Variants in TACR3 observed in about 807,000 individuals in gnomAD.
TACR3 encodes the protein neuromedin-K receptor.
TACR3 carries 34 observed loss-of-function variants against 35.0 expected under a neutral mutation model. That is an observed-to-expected ratio of 0.97 (90% CI 0.74 to 1.30). TACR3 has a LOEUF of 1.30. TACR3 is among the 50% of genes most tolerant of loss of function. TACR3 has a pLI of 0.00. For synonymous variants in TACR3, 233 were observed against 221.1 expected (o/e 1.05, Z -0.48); for missense variants, 558 against 591.7 (o/e 0.94, Z 0.59).
At chr4:103,717,389 T>C (rs565299048) in intron 1 of TACR3, among the ~76,000 whole-genome samples, 29 of 152,186 alleles carry the variant, frequency 1.9e-4, no homozygotes, top group African/African-American at 7.0e-4. Context: ...CACAAAGAAA[T>C]AGTAAAGATT....
At chr4:103,669,319 A>G (rs752023919) in intron 1 of TACR3, among the ~76,000 whole-genome samples, 1 of 152,198 alleles carries the variant, frequency 6.6e-6, no homozygotes, top group Non-Finnish European at 1.5e-5. Flanking sequence ...TACAATAAAC[A>G]TGGGATTGCA....
chr4:103,613,778 A>G (rs1724566556), intron 3 of TACR3, among the ~76,000 whole-genome samples: 1 of 152,204 alleles, frequency 6.6e-6, no homozygotes, highest in African/African-American at 2.4e-5. Flanking sequence ...CAGCATGGTT[A>G]CATTTTGGTG....
At chr4:103,712,682 C>T (rs1311717729) in intron 1 of TACR3, among the ~76,000 whole-genome samples, 3 of 152,134 alleles carry the variant, frequency 2.0e-5, no homozygotes, top group East Asian at 3.9e-4. Flanking sequence ...TCAGAGTGAA[C>T]AGGCAACCCA....
intron 3 of TACR3, among the ~76,000 whole-genome samples, chr4:103,619,232 C>G (rs979528360): frequency 1.3e-5 from 2 of 152,110 alleles, no homozygotes; most frequent in African/African-American, 2.4e-5. Flanking sequence ...CTCTGTCACC[C>G]AGGCTGGAGT....
chr4:103,590,499 CCTTAA>C (rs775139069), intron 4 of TACR3, among the ~76,000 whole-genome samples: 54 of 151,920 alleles, frequency 3.6e-4, no homozygotes, highest in Admixed American at 1.1e-3. Context: ...AGTGCAAAAT[CCTTAA>C]CTTTGTAAAC....
chr4:103,586,044 A>G lies in TACR3; in HGVS notation c.*3638T>C, dbSNP rs1723767249. 6.6e-6 allele frequency: 1 copy of G among 152,062 alleles called. No homozygotes were observed. The highest frequency in any genetic ancestry group is 2.4e-5 in the African/African-American group (1 of 41,420). 9.4% of individuals were successfully genotyped at this position (152,062 alleles called of 1,614,324 possible). The stretch of plus-strand genomic sequence containing the variant: ...TAGTAAGACTTCTTTTACTTTTAAT[A>G]TTAGTTTTAATGTTTTTAAAGAAAA... On this transcript the variant is annotated 3_prime_UTR_variant, in exon 5 of 5. Coordinates refer to ENST00000304883, the MANE Select transcript of TACR3 (RefSeq NM_001059.3).
intron 1 of TACR3, among the ~76,000 whole-genome samples, chr4:103,687,983 C>A (rs1722293829): frequency 6.6e-6 from 1 of 152,270 alleles, no homozygotes; most frequent in African/African-American, 2.4e-5. Context: ...CATCACGCTA[C>A]CTGACTTCAA....
intron 1 of TACR3, among the ~76,000 whole-genome samples, chr4:103,667,718 A>G (rs903353416): frequency 3.3e-5 from 5 of 152,222 alleles, no homozygotes; most frequent in Non-Finnish European, 7.3e-5. Flanking sequence ...TAACCCCCTC[A>G]AAGTTGTAAA....
chr4:103,637,439 C>T (rs1396253985), intron 3 of TACR3, among the ~76,000 whole-genome samples: 4 of 152,048 alleles, frequency 2.6e-5, no homozygotes, highest in African/African-American at 9.7e-5. Context: ...GGACGTATCT[C>T]AAAATAATAA....
chr4:103,604,315 G>A (rs964820563), intron 3 of TACR3, among the ~76,000 whole-genome samples: 2 of 152,320 alleles, frequency 1.3e-5, no homozygotes, highest in South Asian at 2.1e-4. Context: ...AATAAATGGT[G>A]CTGGGAAAAC....
At chr4:103,653,245 A>C (rs930961039) in intron 3 of TACR3, among the ~76,000 whole-genome samples, 4 of 152,086 alleles carry the variant, frequency 2.6e-5, no homozygotes, top group African/African-American at 9.7e-5. Context: ...TCTATTTTGA[A>C]ACTGTGGAGT....
chr4:103,719,532 A>G lies in TACR3; in HGVS notation c.144T>C (p.Ala48=). 3 of 1,608,142 alleles carry G rather than the reference A, an allele frequency of 1.9e-6. No individual in the cohort carries two copies. Among genetic ancestry groups the G allele is most frequent in the African/African-American group, 1.3e-5 (1 of 74,954 alleles). ...ETGWLQLLDQ[A]GNLSSSPSAL... ...CGGAAGGGGAGGAGGAGAGGTTGCC[A>G]GCTTGGTCCAGCAGTTGCAGCCACC... The change falls in exon 1 of 5, where the codon GCT becomes GCC. Residue 48 remains alanine (A), a synonymous_variant. Transcript: ENST00000304883.
intron 3 of TACR3, among the ~76,000 whole-genome samples, chr4:103,604,130 C>T (rs1724285730): frequency 6.6e-6 from 1 of 152,222 alleles, no homozygotes; most frequent in Non-Finnish European, 1.5e-5. Flanking sequence ...GGCTGCTTGA[C>T]TTCAAATTAT....
intron 1 of TACR3, among the ~76,000 whole-genome samples, chr4:103,707,259 T>C (rs760764883): frequency 3.9e-5 from 6 of 152,260 alleles, no homozygotes; most frequent in South Asian, 2.1e-4. Context: ...ACAATATTAC[T>C]AATTTTACAT....
At chr4:103,716,215 TTG>T (rs56790385) in intron 1 of TACR3, among the ~76,000 whole-genome samples, 40,023 of 142,838 alleles carry the variant, frequency 0.28, 5,404 homozygotes, top group Non-Finnish European at 0.31. Flanking sequence ...TAATTTTATC[TTG>T]TGTGTGTGTG....
chr4:103,609,398 ACTG>A (rs1307151227), intron 3 of TACR3, among the ~76,000 whole-genome samples: 1 of 152,130 alleles, frequency 6.6e-6, no homozygotes, highest in African/African-American at 2.4e-5. Context: ...AAAGAAAGAA[ACTG>A]CTTTTTATTA....
In TACR3 at chr4:103,586,695, C is replaced by T. The variant is rs899708810; in HGVS notation, c.*2987G>A. ...AAGGACATGAATTCAGCTGCTGGGT[C>T]AGAAATGTCACCATCATGAAGTTAG... is the stretch of plus-strand genomic sequence containing the variant. On this transcript the variant is annotated 3_prime_UTR_variant, in exon 5 of 5. Transcript: ENST00000304883. The T allele has an allele frequency of 1.3e-5, 2 of 151,872 alleles. No homozygotes were observed. Among genetic ancestry groups the T allele is most frequent in the African/African-American group, 4.8e-5 (2 of 41,352 alleles). 9.4% of individuals were successfully genotyped at this position (151,872 alleles called of 1,614,324 possible). A position where few individuals can be genotyped will look rare whatever the true frequency, so the allele number is the denominator to read the frequency against.
At chr4:103,705,149 C>G (rs1722756765) in intron 1 of TACR3, among the ~76,000 whole-genome samples, 1 of 151,966 alleles carries the variant, frequency 6.6e-6, no homozygotes, top group South Asian at 2.1e-4. Context: ...GAAAAAATGA[C>G]TCAAAGGATG....
At chr4:103,595,678 T>A (rs1723990253) in intron 3 of TACR3, among the ~76,000 whole-genome samples, 1 of 152,192 alleles carries the variant, frequency 6.6e-6, no homozygotes, top group Non-Finnish European at 1.5e-5. Flanking sequence ...ACTAAAATGC[T>A]GACAACTATT....
Sources: gnomAD v4.1 joint callset for allele counts (sites outside exome capture counted in the v4.1 genomes callset) on GRCh38, gnomAD v4.1.1 for gene constraint, MANE v1.5 for transcripts, NCBI Gene and HGNC (gene_info 2026-07-23, HGNC 2026-07-21) for gene names.